TLL1: variants seen among roughly 807,000 people sequenced by gnomAD.
The protein encoded by TLL1 is tolloid-like protein 1.
A neutral mutation model predicts 128.2 loss-of-function variants in TLL1; 49 were observed. The observed-to-expected ratio is 0.38, with a 90% CI of 0.30 to 0.48. TLL1 has a LOEUF of 0.48. Ranked by LOEUF, TLL1 falls within the 20% of genes least tolerant of loss-of-function variation. The pLI, the probability that TLL1 is intolerant of heterozygous loss-of-function variation, is 0.96. For synonymous variants in TLL1, 454 were observed against 418.8 expected, an observed-to-expected ratio of 1.08 and a Z score of -1.03; for missense variants, 1,123 against 1,242.0, an observed-to-expected ratio of 0.90 and a Z score of 1.44.
intron 1 of TLL1, among the ~76,000 whole-genome samples, chr4:165,942,745 A>G (rs1418873154): frequency 1.3e-5 from 2 of 152,092 alleles, no homozygotes; most frequent in South Asian, 2.1e-4. Flanking sequence ...AACTGTAAGA[A>G]TAAAGATAAT....
intron 1 of TLL1, among the ~76,000 whole-genome samples, chr4:165,942,821 T>C (rs937967779): frequency 1.3e-5 from 2 of 151,968 alleles, no homozygotes; most frequent in African/African-American, 2.4e-5. Context: ...TTTATGATCA[T>C]TATTAGTGTC....
At chr4:165,922,249 A>G (rs1283793316) in intron 1 of TLL1, among the ~76,000 whole-genome samples, 1 of 152,262 alleles carries the variant, frequency 6.6e-6, no homozygotes, top group South Asian at 2.1e-4. Context: ...TAAGAGGAGT[A>G]TTTGTTTTGA....
At chr4:165,889,569 A>G (rs1453440843) in intron 1 of TLL1, among the ~76,000 whole-genome samples, 1 of 152,240 alleles carries the variant, frequency 6.6e-6, no homozygotes, top group Admixed American at 6.5e-5. Flanking sequence ...AAGTGGTATC[A>G]CAAGTTACCT....
chr4:165,899,820 G>T (rs1177084232), intron 1 of TLL1, among the ~76,000 whole-genome samples: 1 of 152,132 alleles, frequency 6.6e-6, no homozygotes, highest in Admixed American at 6.5e-5. Flanking sequence ...TTGACAGTGG[G>T]TGTTAAAGTC....
intron 15 of TLL1, among the ~76,000 whole-genome samples, chr4:166,060,560 G>C (rs72974401): frequency 7.6e-4 from 115 of 152,116 alleles, no homozygotes; most frequent in African/African-American, 2.7e-3. Flanking sequence ...GAAGAACCTG[G>C]CATATTTTAC....
chr4:165,924,059 A>G (rs952948879), intron 1 of TLL1, among the ~76,000 whole-genome samples: 2 of 151,982 alleles, frequency 1.3e-5, no homozygotes. Context: ...CTTACCAACC[A>G]TTTTCCAGTA....
intron 12 of TLL1, among the ~76,000 whole-genome samples, chr4:166,048,696 A>G (rs1158595874): frequency 1.3e-5 from 2 of 152,232 alleles, no homozygotes. Context: ...TAACAACTTC[A>G]AAGGAATGTC....
chr4:165,941,828 G>T (rs1734025989), intron 1 of TLL1, among the ~76,000 whole-genome samples: 1 of 152,134 alleles, frequency 6.6e-6, no homozygotes, highest in African/African-American at 2.4e-5. Flanking sequence ...TTCAGGTAGT[G>T]TGATAATCAA....
intron 9 of TLL1, among the ~76,000 whole-genome samples, chr4:166,034,246 T>C (rs1738899412): frequency 6.6e-6 from 1 of 152,148 alleles, no homozygotes; most frequent in African/African-American, 2.4e-5. Flanking sequence ...CATGCATGAC[T>C]GAAGAGATGG....
chr4:166,064,725 T>TAG (rs1740493933), intron 15 of TLL1, among the ~76,000 whole-genome samples: 1 of 152,132 alleles, frequency 6.6e-6, no homozygotes, highest in South Asian at 2.1e-4. Flanking sequence ...GGAAACAGTC[T>TAG]TTTATACTAT....
chr4:166,001,792 C>A (rs1268001344), intron 5 of TLL1, among the ~76,000 whole-genome samples: 36 of 80,708 alleles, frequency 4.5e-4, no homozygotes, highest in African/African-American at 1.6e-3. Context: ...AAAACTCCAT[C>A]TCAAAAAAAA....
intron 1 of TLL1, among the ~76,000 whole-genome samples, chr4:165,976,733 A>G (rs1735901434): frequency 6.6e-6 from 1 of 152,250 alleles, no homozygotes; most frequent in African/African-American, 2.4e-5. Flanking sequence ...TGACAGAGAC[A>G]GTATTTAAAA....
chr4:165,990,971 A>G (rs1196120781), intron 2 of TLL1, among the ~76,000 whole-genome samples: 1 of 151,918 alleles, frequency 6.6e-6, no homozygotes, highest in African/African-American at 2.4e-5. Flanking sequence ...TTGCTATATC[A>G]CCTGTAACAC....
chr4:165,977,525 T>C (rs932020554), intron 1 of TLL1, among the ~76,000 whole-genome samples: 4 of 152,152 alleles, frequency 2.6e-5, no homozygotes, highest in Admixed American at 1.3e-4. Flanking sequence ...ACTAATAGAA[T>C]AGTCAACTAT....
intron 1 of TLL1, among the ~76,000 whole-genome samples, chr4:165,965,776 A>T (rs933130233): frequency 6.6e-6 from 1 of 152,170 alleles, no homozygotes; most frequent in African/African-American, 2.4e-5. Flanking sequence ...TTCATACTTT[A>T]CTATATTGCC....
rs561372184 is a variant in TLL1, at chr4:166,003,676, A to G, written c.811+107A>G. 2.1e-5 allele frequency: 24 copies of G among 1,155,880 alleles called. No homozygotes were observed. The African/African-American group carries it at 3.2e-4, about 16-fold the overall frequency. The allele number at this position is 1,155,880 out of a possible 1,614,324, so 71.6% of individuals were successfully genotyped here. A position where few individuals can be genotyped will look rare whatever the true frequency, so the allele number is the denominator to read the frequency against. On this transcript the variant is annotated intron_variant, in intron 6 of 20. Coordinates refer to ENST00000061240, the MANE Select transcript of TLL1 (RefSeq NM_012464.5). ...CCAAAAATGTAAACTGATATTTTTG[A>G]TATGATAGAGTAACATTTTGCTTGA... is the stretch of plus-strand genomic sequence containing the variant.
chr4:166,080,897 C>T (rs574670757), intron 18 of TLL1, among the ~76,000 whole-genome samples: 2 of 152,088 alleles, frequency 1.3e-5, no homozygotes, highest in African/African-American at 4.8e-5. Context: ...CCTCTCCACC[C>T]TTTTTTGTCT....
At chr4:166,068,338 A>C (rs1740665987) in intron 16 of TLL1, among the ~76,000 whole-genome samples, 1 of 151,834 alleles carries the variant, frequency 6.6e-6, no homozygotes, top group African/African-American at 2.4e-5. Flanking sequence ...CATAATTTAC[A>C]AAAGATTATC....
At chr4:166,036,877 T>A (rs1739028765) in intron 9 of TLL1, among the ~76,000 whole-genome samples, 1 of 151,866 alleles carries the variant, frequency 6.6e-6, no homozygotes, top group African/African-American at 2.4e-5. Flanking sequence ...CAAATGCACT[T>A]TTTAATTTTG....
Sources: gnomAD v4.1 joint callset for allele counts (sites outside exome capture counted in the v4.1 genomes callset) on GRCh38, gnomAD v4.1.1 for gene constraint, MANE v1.5 for transcripts, NCBI Gene and HGNC (gene_info 2026-07-23, HGNC 2026-07-21) for gene names.